Variants in NTM observed in about 807,000 individuals in gnomAD.
The protein encoded by NTM is neurotrimin.
A neutral mutation model predicts 42.1 loss-of-function variants in NTM; 13 were observed. That is an observed-to-expected ratio of 0.31 (90% CI 0.20 to 0.49). The LOEUF is 0.49. Ranked by LOEUF, NTM falls within the 20% of genes least tolerant of loss-of-function variation. The pLI is 0.99. For synonymous variants in NTM, 187 were observed against 179.2 expected, an observed-to-expected ratio of 1.04 and a Z score of -0.35; for missense variants, 373 against 452.8, an observed-to-expected ratio of 0.82 and a Z score of 1.60.
intron 7 of NTM, among the ~76,000 whole-genome samples, chr11:132,325,272 CTGA>C: frequency 6.7e-6 from 1 of 150,344 alleles, no homozygotes; most frequent in Middle Eastern, 3.5e-3. Context: ...ACCTACTCAT[CTGA>C]CAAAGGGCTA....
chr11:132,070,056 C>A (rs555864023), intron 2 of NTM, among the ~76,000 whole-genome samples: 2 of 141,338 alleles, frequency 1.4e-5, no homozygotes, highest in African/African-American at 2.7e-5. Context: ...TTAGTTAACA[C>A]GTCACACAGC....
At chr11:131,985,740 C>T (rs1022839243) in intron 2 of NTM, among the ~76,000 whole-genome samples, 18 of 152,122 alleles carry the variant, frequency 1.2e-4, no homozygotes, top group East Asian at 1.9e-4. Context: ...CACAGTGTCA[C>T]GTAATTGTAA....
chr11:131,870,773 G>C (rs1375703271), intron 1 of NTM, among the ~76,000 whole-genome samples: 5 of 152,048 alleles, frequency 3.3e-5, no homozygotes, highest in Admixed American at 6.6e-5. Context: ...TCAGAAATGA[G>C]CCTAAGAAAT....
At chr11:131,464,403 T>C (rs1230779381) in intron 1 of NTM, among the ~76,000 whole-genome samples, 2 of 151,966 alleles carry the variant, frequency 1.3e-5, no homozygotes, top group African/African-American at 4.8e-5. Context: ...CGTCATACAT[T>C]CATGACTGAA....
intron 1 of NTM, among the ~76,000 whole-genome samples, chr11:131,627,223 A>ATT (rs1222165982): frequency 4.8e-5 from 7 of 146,886 alleles, no homozygotes; most frequent in African/African-American, 1.5e-4. Flanking sequence ...GCTTTTATTT[A>ATT]TTTATTTTTT....
rs183982089 is a variant in NTM at position 131,850,466 on chromosome 11, A to G, written c.83-61098A>G. ...GACTCTTGGCCCCTGCAGAATACAC[A>G]TGTCTACTAGGGAGACACAGAGCTG... On this transcript the variant is annotated intron_variant, in intron 1 of 8. Transcript: ENST00000683400. Among the ~76,000 whole-genome samples the G allele has an allele frequency of 4.3e-3, 650 of 152,276 alleles. 1 individual carries two copies. Among genetic ancestry groups the G allele is most frequent in the African/African-American group, 0.015 (616 of 41,566 alleles).
At chr11:131,803,086 A>G (rs1804282245) in intron 1 of NTM, among the ~76,000 whole-genome samples, 1 of 152,192 alleles carries the variant, frequency 6.6e-6, no homozygotes, top group Non-Finnish European at 1.5e-5. Flanking sequence ...GAGGTAGCAA[A>G]TACAGGACAT....
chr11:132,051,023 G>C (rs1177558455), intron 2 of NTM, among the ~76,000 whole-genome samples: 3 of 152,170 alleles, frequency 2.0e-5, no homozygotes, highest in Non-Finnish European at 4.4e-5. Context: ...CAGTGGGTTG[G>C]CTGACCTTGG....
intron 1 of NTM, among the ~76,000 whole-genome samples, chr11:131,655,862 T>C (rs1330187167): frequency 6.6e-6 from 1 of 152,234 alleles, no homozygotes; most frequent in East Asian, 1.9e-4. Context: ...CAGAGCAGCA[T>C]AGAAGCAGTG....
At chr11:131,966,847 C>A (rs1379780689) in intron 2 of NTM, among the ~76,000 whole-genome samples, 2 of 152,132 alleles carry the variant, frequency 1.3e-5, no homozygotes, top group African/African-American at 4.8e-5. Flanking sequence ...GACATGGTGG[C>A]AAGTGGTCAG....
chr11:131,662,180 TC>T (rs1238307378), intron 1 of NTM: 2 of 152,274 alleles, frequency 1.3e-5, no homozygotes. Flanking sequence ...ACACAGATGT[TC>T]TTTAAATCTT....
At chr11:131,556,563 ATTTTTTTT>A (rs34911090) in intron 1 of NTM, among the ~76,000 whole-genome samples, 6 of 98,434 alleles carry the variant, frequency 6.1e-5, no homozygotes, top group African/African-American at 1.1e-4. Context: ...ACACATAGGA[ATTTTTTTT>A]TTTTTTTTTT....
chr11:131,832,388 C>G (rs1422046825), intron 1 of NTM, among the ~76,000 whole-genome samples: 1 of 151,970 alleles, frequency 6.6e-6, no homozygotes, highest in Non-Finnish European at 1.5e-5. Flanking sequence ...AAAAAAAAAC[C>G]ATGGATACCC....
chr11:131,791,388 C>A (rs954042308), intron 1 of NTM, among the ~76,000 whole-genome samples: 3 of 152,128 alleles, frequency 2.0e-5, no homozygotes, highest in African/African-American at 7.2e-5. Context: ...CTGTGTTTAT[C>A]CTTTTATTAA....
intron 2 of NTM, among the ~76,000 whole-genome samples, chr11:132,125,714 G>A (rs997466386): frequency 0.16 from 7 of 44 alleles, 1 homozygote; most frequent in Non-Finnish European, 0.21. Flanking sequence ...GGTGTGTAGT[G>A]TGTGGTGTGT....
Position 132,005,538 on chromosome 11 carries a change from A to T in NTM, c.167+93890A>T, listed in dbSNP as rs560281794. Among the ~76,000 whole-genome samples, 5 of 152,306 alleles carry T rather than the reference A, an allele frequency of 3.3e-5. No individual in the cohort carries two copies. In the South Asian group the frequency reaches 1.0e-3, roughly 32 times the overall value. On this transcript the variant is annotated intron_variant, in intron 2 of 8. Coordinates refer to ENST00000683400, the MANE Select transcript of NTM (RefSeq NM_001352005.2). ...AATGAATGAATGTTGGAAGGAAGGG[A>T]TATATGAATGATATCTCATCAATTT...
chr11:131,674,612 T>C (rs983856455), intron 1 of NTM, among the ~76,000 whole-genome samples: 12 of 152,246 alleles, frequency 7.9e-5, no homozygotes, highest in Admixed American at 7.9e-4. Flanking sequence ...GCTATGATTG[T>C]AGTCTTTTTC....
chr11:132,200,603 T>C (rs1442523216), intron 3 of NTM, among the ~76,000 whole-genome samples: 1 of 152,188 alleles, frequency 6.6e-6, no homozygotes, highest in Admixed American at 6.5e-5. Context: ...TTTTAGGCAA[T>C]TAAGAATTAA....
chr11:131,895,003 G>A (rs1297467342), intron 1 of NTM, among the ~76,000 whole-genome samples: 2 of 152,166 alleles, frequency 1.3e-5, no homozygotes, highest in African/African-American at 2.4e-5. Flanking sequence ...ACTGAAGCTC[G>A]ACCCTTGCAC....
Sources: allele counts gnomAD v4.1 joint callset (sites outside exome capture counted in the v4.1 genomes callset), GRCh38; gene constraint gnomAD v4.1.1; transcripts MANE v1.5; gene names NCBI Gene and HGNC (gene_info 2026-07-23, HGNC 2026-07-21).